The following RIN2 variants were observed in gnomAD, a reference collection of about 807,000 sequenced individuals.
The protein encoded by RIN2 is RAB5 interacting protein 2.
RIN2 carries 36 observed loss-of-function variants against 78.0 expected under a neutral mutation model. That is an observed-to-expected ratio of 0.46 (90% CI 0.35 to 0.61). The LOEUF is 0.61. RIN2 is among the 20% of genes least tolerant of loss of function. RIN2 has a pLI of 0.00. For synonymous variants in RIN2, 466 were observed against 466.8 expected (o/e 1.00, Z 0.02); for missense variants, 1,087 against 1,159.7 (o/e 0.94, Z 0.91).
chr20:19,933,454 T>G (rs2146111160), intron 3 of RIN2, among the ~76,000 whole-genome samples: 1 of 152,300 alleles, frequency 6.6e-6, no homozygotes, highest in East Asian at 1.9e-4. Context: ...GTTTGGCCCC[T>G]TTGTTGCTCC....
chr20:19,779,229 C>T (rs2034413858), intron 1 of RIN2, among the ~76,000 whole-genome samples: 1 of 152,108 alleles, frequency 6.6e-6, no homozygotes, highest in Non-Finnish European at 1.5e-5. Context: ...CACCTAAATC[C>T]AGCCAGTTTT....
Position 19,972,670 on chromosome 20 carries a change from G to A in RIN2, c.628+1741G>A, listed in dbSNP as rs578255466. The stretch of plus-strand genomic sequence containing the variant: ...AGATCCCCTCTCACTCCCTGTGCCT[G>A]TACCTACTGCCAATGAGATTTGTAG... On this transcript the variant is annotated intron_variant, in intron 8 of 12. Coordinates refer to ENST00000255006, the MANE Select transcript of RIN2 (RefSeq NM_018993.4). 2.6e-4 allele frequency among the ~76,000 whole-genome samples: 39 copies of A among 152,304 alleles called. No homozygotes were observed. In the East Asian group the frequency reaches 5.4e-3, roughly 21 times the overall value.
intron 2 of RIN2, among the ~76,000 whole-genome samples, chr20:19,852,885 T>C (rs1327080166): frequency 6.6e-6 from 1 of 152,114 alleles, no homozygotes; most frequent in Non-Finnish European, 1.5e-5. Flanking sequence ...TGCCATCCTT[T>C]TTTTTTTAAT....
intron 5 of RIN2, among the ~76,000 whole-genome samples, chr20:19,960,399 G>GT (rs1024857382): frequency 1.3e-5 from 2 of 152,296 alleles, no homozygotes; most frequent in East Asian, 3.9e-4. Flanking sequence ...GCTGGAGACC[G>GT]TAACTCCAGC....
At position 19,971,735 on chromosome 20, in the gene RIN2, A is replaced by ATTTTTTTTTTTTTTTTTT. The variant is rs61019165; in HGVS notation, c.628+813_628+830dup. Among the ~76,000 whole-genome samples, 46 of 91,536 alleles carry ATTTTTTTTTTTTTTTTTT rather than the reference A, an allele frequency of 5.0e-4. 3 individuals carry two copies. The highest frequency in any genetic ancestry group is 2.1e-3 in the African/African-American group (43 of 20,146). 60.1% of individuals were successfully genotyped at this position (91,536 alleles called of 152,430 possible). A position where few individuals can be genotyped will look rare whatever the true frequency, so the allele number is the denominator to read the frequency against. ...TGAATTCCCTTCTGCTGAAACTGCA[A>ATTTTTTTTTTTTTTTTTT]TTTTTTTTTTTTTTTTTTTTTTTTG... On this transcript the variant is annotated intron_variant, in intron 8 of 12. Transcript: ENST00000255006.
At position 19,815,227 on chromosome 20, in the gene RIN2, T is replaced by C. The variant is rs1299901397; in HGVS notation, c.-37+15480T>C. ...TTTCTTATTTTGTGTTCCTAGGTAATTCATTATTGAGAAAGCAATTTATGC... is the reference window on the plus strand; with the variant it reads ...TTTCTTATTTTGTGTTCCTAGGTAACTCATTATTGAGAAAGCAATTTATGC... On this transcript the variant is annotated intron_variant, in intron 2 of 12. Coordinates refer to ENST00000255006, the MANE Select transcript of RIN2 (RefSeq NM_018993.4). Among the ~76,000 whole-genome samples, 3 of 152,206 alleles carry C rather than the reference T, an allele frequency of 2.0e-5. No individual in the cohort carries two copies. The East Asian group carries it at 5.8e-4, about 29-fold the overall frequency.
At chr20:19,768,744 A>C (rs2033994474) in intron 1 of RIN2, among the ~76,000 whole-genome samples, 1 of 151,812 alleles carries the variant, frequency 6.6e-6, no homozygotes, top group South Asian at 2.1e-4. Flanking sequence ...TGTGTGGCTT[A>C]CTGGCCCCTC....
At chr20:19,807,908 C>T (rs6046332) in intron 2 of RIN2, among the ~76,000 whole-genome samples, 3,744 of 152,168 alleles carry the variant, frequency 0.025, 160 homozygotes, top group African/African-American at 0.085. Context: ...GGACTTTTTC[C>T]AACTTAGCAT....
In RIN2 at chr20:19,974,548, C is replaced by G. The variant is rs375409421; in HGVS notation, c.629-106C>G. 1.1e-3 allele frequency: 1,303 copies of G among 1,145,940 alleles called. 22 individuals are homozygous for G. In the South Asian group the frequency reaches 0.019, roughly 17 times the overall value. The allele number at this position is 1,145,940 out of a possible 1,614,324, so 71.0% of individuals were successfully genotyped here. A position where few individuals can be genotyped will look rare whatever the true frequency, so the allele number is the denominator to read the frequency against. ...TGAGTACAACGCACCCCCTACCCCACCCCGCAAGACTCGCGTTGTCATGCA... is the reference window on the plus strand; with the variant it reads ...TGAGTACAACGCACCCCCTACCCCAGCCCGCAAGACTCGCGTTGTCATGCA... On this transcript the variant is annotated intron_variant, in intron 8 of 12. Coordinates refer to ENST00000255006, the MANE Select transcript of RIN2 (RefSeq NM_018993.4).
intron 2 of RIN2, among the ~76,000 whole-genome samples, chr20:19,863,160 GT>G (rs2037398893): frequency 2.0e-5 from 3 of 152,324 alleles, no homozygotes; most frequent in East Asian, 3.9e-4. Flanking sequence ...CAGTATACAT[GT>G]GCAGCCTGTC....
chr20:19,882,142 T>A (rs915555805), intron 2 of RIN2, among the ~76,000 whole-genome samples: 2 of 152,186 alleles, frequency 1.3e-5, no homozygotes, highest in Non-Finnish European at 2.9e-5. Flanking sequence ...TGTCACTAAC[T>A]ACACCCAGTC....
At chr20:19,809,222 G>C (rs149266178) in intron 2 of RIN2, 1 of 152,378 alleles carries the variant, frequency 6.6e-6, no homozygotes, top group African/African-American at 2.4e-5. Context: ...AATGATAGCA[G>C]TGACCACCAG....
intron 1 of RIN2, among the ~76,000 whole-genome samples, chr20:19,787,148 C>A (rs539270729): frequency 1.3e-5 from 2 of 152,030 alleles, no homozygotes; most frequent in Admixed American, 1.3e-4. Context: ...ACTGTCTGGG[C>A]ACAGTGGCTC....
chr20:19,819,156 G>C (rs1034648900), intron 2 of RIN2, among the ~76,000 whole-genome samples: 64 of 152,218 alleles, frequency 4.2e-4, no homozygotes, highest in African/African-American at 1.5e-3. Flanking sequence ...AAATACCATA[G>C]GCTGGGTGGC....
chr20:19,861,543 A>G lies in RIN2; in HGVS notation c.-36-28023A>G, dbSNP rs73901310. Reference sequence around the variant, plus strand: ...ATCTGATCACCCTCCATATCTGATCACCCTCCTTATCTGATCACCCTCCAT... The same window carrying G: ...ATCTGATCACCCTCCATATCTGATCGCCCTCCTTATCTGATCACCCTCCAT... On this transcript the variant is annotated intron_variant, in intron 2 of 12. Coordinates refer to ENST00000255006, the MANE Select transcript of RIN2 (RefSeq NM_018993.4). Among the ~76,000 whole-genome samples, 1,256 of 151,412 alleles carry G rather than the reference A, an allele frequency of 8.3e-3. 20 individuals are homozygous for G. The highest frequency in any genetic ancestry group is 0.029 in the African/African-American group (1,190 of 41,170).
At chr20:19,903,586 G>A (rs1443898563) in intron 3 of RIN2, among the ~76,000 whole-genome samples, 1 of 152,152 alleles carries the variant, frequency 6.6e-6, no homozygotes, top group Non-Finnish European at 1.5e-5. Flanking sequence ...ATTTTTGGTT[G>A]CCACCACTGG....
intron 12 of RIN2, 49 bp from the exon 13 acceptor site, chr20:20,000,564 T>G: frequency 7.0e-7 from 1 of 1,438,298 alleles, no homozygotes; most frequent in Non-Finnish European, 9.6e-7. Context: ...TCATGCTCAC[T>G]ATCTAGTTTT....
chr20:19,917,190 A>G (rs551076597), intron 3 of RIN2, among the ~76,000 whole-genome samples: 1 of 151,860 alleles, frequency 6.6e-6, no homozygotes, highest in South Asian at 2.1e-4. Context: ...GAGAGGGCCC[A>G]GGAGTGAGGA....
At chr20:19,915,556 C>T (rs2039649884) in intron 3 of RIN2, among the ~76,000 whole-genome samples, 1 of 152,160 alleles carries the variant, frequency 6.6e-6, no homozygotes, top group African/African-American at 2.4e-5. Context: ...TGTGTCCCAT[C>T]TGGATTAAGA....
Sources: allele counts gnomAD v4.1 joint callset (sites outside exome capture counted in the v4.1 genomes callset), GRCh38; gene constraint gnomAD v4.1.1; transcripts MANE v1.5; gene names NCBI Gene and HGNC (gene_info 2026-07-23, HGNC 2026-07-21).